The following C7orf78 variants were observed in gnomAD, a reference collection of about 807,000 sequenced individuals.
C7orf78 encodes the protein putative uncharacterized protein C7orf78.
At chr7:12,516,966 A>C in the C7orf78 span, among the ~76,000 whole-genome samples, 1 of 152,166 alleles carries the variant, frequency 6.6e-6, no homozygotes, top group African/African-American at 2.4e-5. Flanking sequence ...TTTGGGTTTA[A>C]TGCTGAAATG....
At chr7:12,525,152 A>G in the C7orf78 span, among the ~76,000 whole-genome samples, 2,809 of 152,048 alleles carry the variant, frequency 0.018, 76 homozygotes, top group African/African-American at 0.064. Flanking sequence ...CATTAAGAAT[A>G]TAACCCTGTT....
At chr7:12,531,041 G>A in the C7orf78 span, 2 of 398,466 alleles carry the variant, frequency 5.0e-6, no homozygotes, top group Non-Finnish European at 8.9e-6. Context: ...GATGCATACA[G>A]TGCATTTATG....
the C7orf78 span, among the ~76,000 whole-genome samples, chr7:12,528,642 C>T: frequency 1.3e-5 from 2 of 152,138 alleles, no homozygotes; most frequent in East Asian, 3.8e-4. Flanking sequence ...CAAAATATAC[C>T]ATCCCACAGG....
the C7orf78 span, among the ~76,000 whole-genome samples, chr7:12,497,467 C>A: frequency 1.6e-5 from 1 of 62,536 alleles, no homozygotes; most frequent in Admixed American, 2.1e-4. Context: ...GGGTGACGGA[C>A]GGCACCTGGA....
At chr7:12,512,217 G>A in the C7orf78 span, among the ~76,000 whole-genome samples, 3 of 152,120 alleles carry the variant, frequency 2.0e-5, no homozygotes, top group African/African-American at 7.2e-5. Flanking sequence ...AAGACTTCCA[G>A]TATTTTGTTG....
At chr7:12,506,496 A>G in the C7orf78 span, among the ~76,000 whole-genome samples, 1 of 152,188 alleles carries the variant, frequency 6.6e-6, no homozygotes, top group Admixed American at 6.5e-5. Context: ...TTGCAGGGAC[A>G]TAGATGAAGG....
At chr7:12,540,594 A>C in the C7orf78 span, among the ~76,000 whole-genome samples, 1 of 152,170 alleles carries the variant, frequency 6.6e-6, no homozygotes, top group Non-Finnish European at 1.5e-5. Context: ...TCAAGATGGC[A>C]CTCCAAAACA....
At chr7:12,497,637 G>A in the C7orf78 span, among the ~76,000 whole-genome samples, 2 of 152,134 alleles carry the variant, frequency 1.3e-5, no homozygotes, top group African/African-American at 4.8e-5. Flanking sequence ...CAAACTGCAA[G>A]GCGGCAGCGA....
chr7:12,523,337 G>T, the C7orf78 span: 1 of 398,176 alleles, frequency 2.5e-6, no homozygotes, highest in African/African-American at 2.1e-5. Context: ...TCCACATCTG[G>T]ATTTACAAAA....
the C7orf78 span, among the ~76,000 whole-genome samples, chr7:12,538,812 C>A: frequency 6.6e-6 from 1 of 152,084 alleles, no homozygotes; most frequent in Non-Finnish European, 1.5e-5. Flanking sequence ...CGTTGCGAGC[C>A]ACCCATTTTT....
At chr7:12,489,908 T>C in the C7orf78 span, among the ~76,000 whole-genome samples, 6 of 152,154 alleles carry the variant, frequency 3.9e-5, no homozygotes, top group Non-Finnish European at 7.4e-5. Flanking sequence ...TGGATGTACA[T>C]TTCATGGAAG....
chr7:12,531,125 A>G, the C7orf78 span: 1 of 398,254 alleles, frequency 2.5e-6, no homozygotes, highest in South Asian at 1.3e-4. Flanking sequence ...GTTGTTAGAT[A>G]CTTATATTAA....
the C7orf78 span, among the ~76,000 whole-genome samples, chr7:12,521,789 G>A: frequency 2.6e-5 from 4 of 151,004 alleles, no homozygotes; most frequent in African/African-American, 9.7e-5. Context: ...TTTCCCTCTT[G>A]GATGAATTTA....
chr7:12,519,939 G>A, the C7orf78 span, among the ~76,000 whole-genome samples: 4 of 152,206 alleles, frequency 2.6e-5, no homozygotes, highest in Non-Finnish European at 5.9e-5. Context: ...TTAGATCTCA[G>A]GAGTGTGTGT....
At chr7:12,497,654 G>C in the C7orf78 span, among the ~76,000 whole-genome samples, 1 of 152,098 alleles carries the variant, frequency 6.6e-6, no homozygotes, top group Non-Finnish European at 1.5e-5. Flanking sequence ...GCGAGGCTGG[G>C]GGAGGGGCGC....
chr7:12,532,996 G>A, the C7orf78 span, among the ~76,000 whole-genome samples: 1 of 152,166 alleles, frequency 6.6e-6, no homozygotes, highest in Non-Finnish European at 1.5e-5. Flanking sequence ...GATTTAGGAT[G>A]TAGACTTATC....
chr7:12,519,266 C>T, the C7orf78 span, among the ~76,000 whole-genome samples: 3 of 152,184 alleles, frequency 2.0e-5, no homozygotes, highest in Non-Finnish European at 4.4e-5. Context: ...TGAGCTTTAA[C>T]ACAGGCCACA....
the C7orf78 span, among the ~76,000 whole-genome samples, chr7:12,520,885 T>C: frequency 6.6e-6 from 1 of 152,208 alleles, no homozygotes; most frequent in East Asian, 1.9e-4. Flanking sequence ...TAATATTTGT[T>C]TTATATATTT....
the C7orf78 span, among the ~76,000 whole-genome samples, chr7:12,496,026 C>T: frequency 1.3e-5 from 2 of 152,122 alleles, no homozygotes; most frequent in African/African-American, 2.4e-5. Flanking sequence ...CCCGGGTTCA[C>T]GCCATTCTCT....
Sources: allele counts gnomAD v4.1 joint callset (sites outside exome capture counted in the v4.1 genomes callset), GRCh38; gene constraint gnomAD v4.1.1; transcripts MANE v1.5; gene names NCBI Gene and HGNC (gene_info 2026-07-23, HGNC 2026-07-21).